Variants in PPFIA1 observed in about 807,000 individuals in gnomAD.
The protein encoded by PPFIA1 is liprin-alpha-1.
A neutral mutation model predicts 149.9 loss-of-function variants in PPFIA1; 25 were observed. The observed-to-expected ratio is 0.17, with a 90% CI of 0.12 to 0.23. The LOEUF (loss-of-function observed/expected upper bound fraction) is 0.23, where lower values mean the gene tolerates loss of function less well. Ranked by LOEUF, PPFIA1 falls within the 10% of genes least tolerant of loss-of-function variation. The pLI, the probability that PPFIA1 is intolerant of heterozygous loss-of-function variation, is 1.00. For missense variants in PPFIA1, 1,362 were observed against 1,506.5 expected (o/e 0.90, Z 1.59); for synonymous variants, 549 against 552.8 (o/e 0.99, Z 0.10).
At chr11:70,306,892 C>T (rs558746782) in intron 2 of PPFIA1, among the ~76,000 whole-genome samples, 14 of 152,098 alleles carry the variant, frequency 9.2e-5, no homozygotes, top group South Asian at 8.3e-4. Context: ...TCCAGTGAAA[C>T]GTCAGAATCC....
At chr11:70,325,758 C>G (rs990207925) in intron 5 of PPFIA1, among the ~76,000 whole-genome samples, 184 bp downstream of exon 5, 7 of 151,888 alleles carry the variant, frequency 4.6e-5, no homozygotes, top group Non-Finnish European at 8.8e-5. Flanking sequence ...CATGGTGAAA[C>G]CCCATTTCTA....
chr11:70,329,292 A>C (rs2054516025), intron 7 of PPFIA1, among the ~76,000 whole-genome samples: 1 of 152,216 alleles, frequency 6.6e-6, no homozygotes, highest in Non-Finnish European at 1.5e-5. Flanking sequence ...TAGAAACAGG[A>C]AAGCTTGGTC....
chr11:70,312,873 G>T (rs910845962), intron 2 of PPFIA1, among the ~76,000 whole-genome samples: 1 of 152,164 alleles, frequency 6.6e-6, no homozygotes, highest in Non-Finnish European at 1.5e-5. Context: ...ACATGCAGCC[G>T]GGAAGTGAGG....
At chr11:70,360,748 A>G (rs1232315854) in intron 19 of PPFIA1, among the ~76,000 whole-genome samples, 1 of 152,274 alleles carries the variant, frequency 6.6e-6, no homozygotes, top group Non-Finnish European at 1.5e-5. Context: ...TGCTATTGAA[A>G]TGTATTGAAG....
At chr11:70,344,044 G>C in intron 15 of PPFIA1, 152 bp downstream of exon 15, 1 of 805,062 alleles carries the variant, frequency 1.2e-6, no homozygotes, top group Non-Finnish European at 1.9e-6. Context: ...AGAATTTTAA[G>C]GTCTGAAATT....
At chr11:70,350,185 A>G (rs2137258397) in intron 16 of PPFIA1, 1 of 281,090 alleles carries the variant, frequency 3.6e-6, no homozygotes, top group African/African-American at 2.3e-5. Flanking sequence ...AAGTATGGAT[A>G]CAGGCAAGAC....
At chr11:70,317,843 A>G (rs150441759) in intron 2 of PPFIA1, among the ~76,000 whole-genome samples, 207 of 152,246 alleles carry the variant, frequency 1.4e-3, no homozygotes, top group African/African-American at 4.8e-3. Flanking sequence ...CCTCCTTGTT[A>G]TGAGGACTTA....
chr11:70,272,475 C>T (rs757387916), intron 2 of PPFIA1, 39 bp downstream of exon 2: 1 of 1,540,702 alleles, frequency 6.5e-7, no homozygotes, highest in East Asian at 2.3e-5. Context: ...GATTTTTCTC[C>T]ACTAAATGTT....
Position 70,304,221 on chromosome 11 carries a change from A to C in PPFIA1, c.265-20181A>C, listed in dbSNP as rs150662881. 3.6e-3 allele frequency among the ~76,000 whole-genome samples: 555 copies of C among 152,248 alleles called. 3 individuals carry two copies. Among genetic ancestry groups the C allele is most frequent in the African/African-American group, 0.013 (527 of 41,544 alleles). On this transcript the variant is annotated intron_variant, in intron 2 of 27. Transcript: ENST00000253925. ...GGCTCTGGGTTCCTGAACATGTAGC[A>C]GTTTCTGGAGGGTAGTGCCCTCAGA... is the stretch of plus-strand genomic sequence containing the variant.
rs757886310 is a variant in PPFIA1 at position 70,333,739 on chromosome 11, AGTT to A, written c.1296+190_1296+192del. ...TGCTAATGCGTACATCCCACACAGT[AGTT>A]GTTTTCAGTCAGTATTGGGAGCTGC... is the stretch of plus-strand genomic sequence containing the variant. On this transcript the variant is annotated intron_variant, in intron 10 of 27. Coordinates refer to ENST00000253925, the MANE Select transcript of PPFIA1 (RefSeq NM_003626.5). 5.3e-5 allele frequency among the ~76,000 whole-genome samples: 8 copies of A among 152,158 alleles called. No individual in the cohort carries two copies. In the East Asian group the frequency reaches 1.2e-3, roughly 22 times the overall value.
At chr11:70,374,599 T>G (rs1471112059) in intron 23 of PPFIA1, 1 of 271,998 alleles carries the variant, frequency 3.7e-6, no homozygotes, top group Non-Finnish European at 6.9e-6. Flanking sequence ...TGTTAGGTAT[T>G]CAAGTTCTTG....
chr11:70,326,492 A>G (rs2054296019), intron 6 of PPFIA1, 105 bp from the exon 7 acceptor site: 1 of 1,283,196 alleles, frequency 7.8e-7, no homozygotes, highest in African/African-American at 1.5e-5. Flanking sequence ...GTGTAATCCA[A>G]CAGATTGCAT....
intron 15 of PPFIA1, among the ~76,000 whole-genome samples, chr11:70,347,963 A>G (rs893753272): frequency 6.6e-5 from 10 of 152,228 alleles, no homozygotes; most frequent in Admixed American, 5.2e-4. Flanking sequence ...AGATCGCGCC[A>G]CTGCACTCTA....
At chr11:70,290,696 G>T (rs1199404301) in intron 2 of PPFIA1, among the ~76,000 whole-genome samples, 1 of 152,170 alleles carries the variant, frequency 6.6e-6, no homozygotes, top group Non-Finnish European at 1.5e-5. Context: ...GGAGCTTGAA[G>T]CATATTGTAC....
chr11:70,343,941 G>A, intron 15 of PPFIA1, 49 bp downstream of exon 15: 2 of 1,505,040 alleles, frequency 1.3e-6, no homozygotes, highest in Non-Finnish European at 1.8e-6. Context: ...GTGTCTCTGA[G>A]GAATCTCATC....
intron 1 of PPFIA1, 45 bp from the exon 2 acceptor site, chr11:70,272,128 T>C (rs1372006251): frequency 8.2e-6 from 13 of 1,587,354 alleles, no homozygotes; most frequent in Non-Finnish European, 9.4e-6. Flanking sequence ...TGTGGGAACC[T>C]GTATTCTGAG....
Position 70,359,502 on chromosome 11 carries a change from C to T in PPFIA1, c.2583-2593C>T, listed in dbSNP as rs1000654836. Among the ~76,000 whole-genome samples the T allele has an allele frequency of 2.0e-5, 3 of 152,142 alleles. No individual in the cohort carries two copies. The East Asian group carries it at 5.8e-4, about 29-fold the overall frequency. ...TATGGGTTTTGGAGAGGGTCCTGCT[C>T]TGTCACCCAGGTAGCAACTGTACCT... On this transcript the variant is annotated intron_variant, in intron 19 of 27. Coordinates refer to ENST00000253925, the MANE Select transcript of PPFIA1 (RefSeq NM_003626.5).
intron 2 of PPFIA1, among the ~76,000 whole-genome samples, chr11:70,279,721 A>AGGTGTGTGTGTGTGTGTG (rs2050626881): frequency 8.1e-6 from 1 of 123,404 alleles, no homozygotes; most frequent in Non-Finnish European, 1.6e-5. Flanking sequence ...GTATGTGTCT[A>AGGTGTGTGTGTGTGTGTG]GGTGTGTGTG....
At chr11:70,322,514 C>T (rs966647911) in intron 2 of PPFIA1, among the ~76,000 whole-genome samples, 2 of 152,110 alleles carry the variant, frequency 1.3e-5, no homozygotes, top group East Asian at 1.9e-4. Flanking sequence ...ATGCTGCGTT[C>T]GATCTCTGAA....
Sources: gnomAD v4.1 joint callset for allele counts (sites outside exome capture counted in the v4.1 genomes callset) on GRCh38, gnomAD v4.1.1 for gene constraint, MANE v1.5 for transcripts, NCBI Gene and HGNC (gene_info 2026-07-23, HGNC 2026-07-21) for gene names.